ISM1: variants seen among roughly 807,000 people sequenced by gnomAD.
ISM1 encodes the protein isthmin 1.
Under a neutral mutation model 46.3 loss-of-function variants are expected in ISM1, and 25 were observed. The observed-to-expected ratio is 0.54, with a 90% CI of 0.39 to 0.75. The LOEUF (loss-of-function observed/expected upper bound fraction) is 0.75. ISM1 is among the 30% of genes least tolerant of loss of function. ISM1 has a pLI of 0.00. For synonymous variants in ISM1, 255 were observed against 256.7 expected, an observed-to-expected ratio of 0.99 and a Z score of 0.06; for missense variants, 536 against 625.4, an observed-to-expected ratio of 0.86 and a Z score of 1.52.
chr20:13,268,200 T>C (rs1237464465), intron 1 of ISM1, among the ~76,000 whole-genome samples: 1 of 151,442 alleles, frequency 6.6e-6, no homozygotes, highest in East Asian at 1.9e-4. Context: ...ACTTCGCTTC[T>C]CTTCTCTCTT....
intron 4 of ISM1, among the ~76,000 whole-genome samples, chr20:13,290,556 G>A (rs2040341811): frequency 6.6e-6 from 1 of 152,190 alleles, no homozygotes; most frequent in African/African-American, 2.4e-5. Context: ...GGCTGAGGCA[G>A]GAGAATGGCA....
rs2039814304 is a variant in ISM1, at chr20:13,247,577, AACTTAAAAGAGAG to A, written c.139-22922_139-22910del. On this transcript the variant is annotated intron_variant, in intron 1 of 5. Transcript: ENST00000262487. ...GTGTGTGTAGGTAGGTAGGAGGAGC[AACTTAAAAGAGAG>A]ACTTTAGCATGAGGGATGATTATTT... is the stretch of plus-strand genomic sequence containing the variant. Among the ~76,000 whole-genome samples the A allele has an allele frequency of 2.0e-5, 3 of 149,020 alleles. No individual in the cohort carries two copies. The South Asian group carries it at 6.4e-4, about 32-fold the overall frequency.
chr20:13,272,280 C>T lies in ISM1; in HGVS notation c.378+1537C>T, dbSNP rs529925293. On this transcript the variant is annotated intron_variant, in intron 2 of 5. Transcript: ENST00000262487. ...CATGATACGGTTTTAGATCAGGTTT[C>T]GTTGACCTGAGTTGTTTTGCTCTTA... Among the ~76,000 whole-genome samples the T allele has an allele frequency of 2.0e-3, 310 of 152,304 alleles. 2 individuals carry two copies. The highest frequency in any genetic ancestry group is 3.4e-3 in the Non-Finnish European group (234 of 68,032).
chr20:13,293,962 G>C (rs1273145275), intron 5 of ISM1, among the ~76,000 whole-genome samples: 1 of 150,560 alleles, frequency 6.6e-6, no homozygotes, highest in Non-Finnish European at 1.5e-5. Flanking sequence ...CAACAAGAGT[G>C]AAACTCCATC....
At chr20:13,281,841 G>C (rs2040241869) in intron 3 of ISM1, among the ~76,000 whole-genome samples, 1 of 152,178 alleles carries the variant, frequency 6.6e-6, no homozygotes, top group South Asian at 2.1e-4. Context: ...TTGTTTCTAT[G>C]AGTAGAGCTC....
At chr20:13,251,936 A>G (rs1056001383) in intron 1 of ISM1, among the ~76,000 whole-genome samples, 2 of 151,806 alleles carry the variant, frequency 1.3e-5, no homozygotes, top group African/African-American at 2.4e-5. Context: ...AGACTTGGGG[A>G]GTAAGTGAGA....
At chr20:13,279,440 G>GTTCCATC (rs2040214040) in intron 2 of ISM1, among the ~76,000 whole-genome samples, 194 bp from the exon 3 acceptor site, 1 of 152,154 alleles carries the variant, frequency 6.6e-6, no homozygotes, top group Non-Finnish European at 1.5e-5. Context: ...CCAAAGCCAT[G>GTTCCATC]TTCCATCTAG....
At chr20:13,279,604 A>T in intron 2 of ISM1, 30 bp from the exon 3 acceptor site, 2 of 1,594,758 alleles carry the variant, frequency 1.3e-6, no homozygotes, top group Non-Finnish European at 1.7e-6. Context: ...TTGACTCCAC[A>T]CTGACCCCAG....
At chr20:13,270,052 C>T (rs2123250773) in intron 1 of ISM1, among the ~76,000 whole-genome samples, 1 of 152,178 alleles carries the variant, frequency 6.6e-6, no homozygotes, top group African/African-American at 2.4e-5. Context: ...TAATATGGCC[C>T]AAGAACTATA....
rs746892720 is a variant in ISM1, at chr20:13,299,127, AAGG to A, written c.1066_1068del (p.Glu356del). On this transcript the variant is annotated inframe_deletion, in exon 6 of 6. Transcript: ENST00000262487. This position sits in a 1 kb window ranked among gnomAD's most constrained non-coding sequence, Gnocchi z 5.8. ...CCGCTGGAAGGACGCCAGCGGGCCC[AAGG>A]AGAAGCTGGAGATCTACAAGCCCAC... 6.2e-7 allele frequency: 1 copy of A among 1,613,422 alleles called. No homozygotes were observed. Among genetic ancestry groups the A allele is most frequent in the African/African-American group, 1.3e-5 (1 of 75,036 alleles).
intron 2 of ISM1, among the ~76,000 whole-genome samples, chr20:13,276,924 C>A (rs1376243016): frequency 6.6e-6 from 1 of 152,138 alleles, no homozygotes; most frequent in South Asian, 2.1e-4. Context: ...ACTTTGTTAA[C>A]TGTAGGGAAG....
the ISM1 span, among the ~76,000 whole-genome samples, chr20:13,326,610 AT>A: frequency 2.0e-5 from 3 of 152,094 alleles, no homozygotes. Flanking sequence ...TTAGCGTTTC[AT>A]GATGTTGAGC....
chr20:13,274,634 T>A (rs115207781), intron 2 of ISM1, among the ~76,000 whole-genome samples: 4,372 of 152,032 alleles, frequency 0.029, 199 homozygotes, highest in African/African-American at 0.096. Context: ...GCTAAGCCCA[T>A]GCAAGAGTCC....
chr20:13,226,450 G>A (rs966854670), intron 1 of ISM1, among the ~76,000 whole-genome samples: 1 of 151,770 alleles, frequency 6.6e-6, no homozygotes, highest in African/African-American at 2.4e-5. Flanking sequence ...GTTTCACTTA[G>A]CTATTGCTGC....
chr20:13,258,954 T>C (rs1427597367), intron 1 of ISM1, among the ~76,000 whole-genome samples: 1 of 152,058 alleles, frequency 6.6e-6, no homozygotes, highest in African/African-American at 2.4e-5. Context: ...CATGGTGATG[T>C]TAAAACCTTA....
chr20:13,324,834 C>T, the ISM1 span, among the ~76,000 whole-genome samples: 1 of 152,298 alleles, frequency 6.6e-6, no homozygotes, highest in African/African-American at 2.4e-5. Flanking sequence ...TTAGAAATAA[C>T]CTAGTTTAAG....
intron 1 of ISM1, chr20:13,244,225 C>T (rs1264831455): frequency 6.6e-6 from 1 of 152,134 alleles, no homozygotes; most frequent in Admixed American, 6.5e-5. Flanking sequence ...CAAGGTCAAA[C>T]TAAAAGTCTA....
downstream of ISM1, among the ~76,000 whole-genome samples, chr20:13,304,670 G>C (rs910401669): frequency 2.6e-5 from 4 of 152,142 alleles, no homozygotes; most frequent in Non-Finnish European, 4.4e-5. Context: ...CAACTGTTTG[G>C]TGATCTTGGG....
In ISM1 at chr20:13,270,414, T is replaced by C. The variant is rs1322117; in HGVS notation, c.139-90T>C. The C allele has an allele frequency of 1.7e-4, 238 of 1,419,970 alleles. No homozygotes were observed. The African/African-American group carries it at 3.2e-3, about 19-fold the overall frequency. 88.0% of individuals were successfully genotyped at this position (1,419,970 alleles called of 1,614,324 possible). A position where few individuals can be genotyped will look rare whatever the true frequency, so the allele number is the denominator to read the frequency against. ...GGCTTAATTTCAGCCACTGGAATTG[T>C]CCTTGCTCCTGAATATAATGGACTG... is the stretch of plus-strand genomic sequence containing the variant. On this transcript the variant is annotated intron_variant, in intron 1 of 5. Transcript: ENST00000262487.
Sources: allele counts gnomAD v4.1 joint callset (sites outside exome capture counted in the v4.1 genomes callset), GRCh38; gene constraint gnomAD v4.1.1; non-coding constraint Gnocchi (gnomAD v3.1); transcripts MANE v1.5; gene names NCBI Gene and HGNC (gene_info 2026-07-23, HGNC 2026-07-21).